Variants in LIMS1 observed in about 807,000 individuals in gnomAD.
LIMS1 encodes LIM and senescent cell antigen-like-containing domain protein 1.
Under a neutral mutation model 44.1 loss-of-function variants are expected in LIMS1, and 18 were observed. The ratio of observed to expected loss-of-function variants is 0.41; its 90% CI spans 0.28 to 0.61. LIMS1 has a LOEUF of 0.61. Ranked by LOEUF, LIMS1 falls within the 20% of genes least tolerant of loss-of-function variation. LIMS1 has a pLI of 0.32. For synonymous variants in LIMS1, 93 were observed against 149.1 expected, an observed-to-expected ratio of 0.62 and a Z score of 2.74; for missense variants, 201 against 422.0, an observed-to-expected ratio of 0.48 and a Z score of 4.59.
intron 1 of LIMS1, among the ~76,000 whole-genome samples, chr2:108,639,282 A>G (rs532584599): frequency 6.6e-6 from 1 of 152,322 alleles, no homozygotes; most frequent in East Asian, 1.9e-4. Flanking sequence ...TGATAAGCAG[A>G]AAGTTCAGGA....
chr2:108,580,605 G>A (rs1346192212), intron 1 of LIMS1, among the ~76,000 whole-genome samples: 2 of 152,174 alleles, frequency 1.3e-5, no homozygotes, highest in Non-Finnish European at 2.9e-5. Context: ...GGAGGTGATG[G>A]TGCCAGAAGT....
chr2:108,587,934 A>G (rs1014655382), intron 1 of LIMS1, among the ~76,000 whole-genome samples: 1 of 152,214 alleles, frequency 6.6e-6, no homozygotes, highest in Admixed American at 6.5e-5. Context: ...GATGTAGTGT[A>G]GAGTAGCTGC....
At chr2:108,571,762 A>C (rs569644505) in intron 1 of LIMS1, among the ~76,000 whole-genome samples, 14 of 152,318 alleles carry the variant, frequency 9.2e-5, no homozygotes, top group African/African-American at 3.4e-4. Context: ...GTTTCTGACA[A>C]TTTAGCACAT....
At chr2:108,570,561 A>G (rs533000699) in intron 1 of LIMS1, among the ~76,000 whole-genome samples, 62 of 152,244 alleles carry the variant, frequency 4.1e-4, no homozygotes, top group Non-Finnish European at 7.5e-4. Flanking sequence ...ATGCCAAACT[A>G]ATGAGTCTGA....
intron 1 of LIMS1, among the ~76,000 whole-genome samples, chr2:108,551,688 T>A (rs1241534161): frequency 6.9e-6 from 1 of 145,306 alleles, no homozygotes; most frequent in African/African-American, 2.5e-5. Context: ...ATATACACTG[T>A]ATACATACAC....
At chr2:108,685,838 T>A (rs1693268328) in exon 10 of LIMS1, 1 of 152,156 alleles carries the variant, frequency 6.6e-6, no homozygotes, top group African/African-American at 2.4e-5. Flanking sequence ...CAGTATAGCG[T>A]CTTGATGCTA....
chr2:108,575,700 G>T (rs1383153551), intron 1 of LIMS1, among the ~76,000 whole-genome samples: 1 of 152,068 alleles, frequency 6.6e-6, no homozygotes, highest in African/African-American at 2.4e-5. Context: ...TTTAGGCATC[G>T]TTTATTTTTA....
chr2:108,680,379 A>AG (rs1573629739), intron 8 of LIMS1, among the ~76,000 whole-genome samples: 1 of 141,252 alleles, frequency 7.1e-6, no homozygotes, highest in East Asian at 1.9e-4. Flanking sequence ...AAAAAAAAAA[A>AG]AAAAAAAATT....
chr2:108,596,775 A>G (rs1326451217), intron 1 of LIMS1, among the ~76,000 whole-genome samples: 1 of 152,178 alleles, frequency 6.6e-6, no homozygotes, highest in Non-Finnish European at 1.5e-5. Flanking sequence ...GTGAACCGAG[A>G]TCACGCCATT....
intron 1 of LIMS1, among the ~76,000 whole-genome samples, chr2:108,623,902 T>C (rs1256477030): frequency 6.6e-6 from 1 of 152,242 alleles, no homozygotes; most frequent in African/African-American, 2.4e-5. Context: ...AAACACGAGA[T>C]GCACGTGCTT....
chr2:108,633,984 C>G (rs567842312), intron 1 of LIMS1, among the ~76,000 whole-genome samples: 2 of 152,226 alleles, frequency 1.3e-5, no homozygotes, highest in Non-Finnish European at 2.9e-5. Flanking sequence ...CACCACCGTT[C>G]TTTAGAAGTA....
chr2:108,557,474 T>C (rs9308807), intron 1 of LIMS1, among the ~76,000 whole-genome samples: 69,077 of 151,830 alleles, frequency 0.45, 16,945 homozygotes, highest in East Asian at 0.96. Context: ...ATCGAACATA[T>C]GATCAGATTC....
At chr2:108,534,592 C>T in exon 1 of LIMS1, 1 of 1,157,658 alleles carries the variant, frequency 8.6e-7, no homozygotes, top group Non-Finnish European at 1.1e-6. Flanking sequence ...GGATGACCCA[C>T]AGGTACGGGC....
intron 1 of LIMS1, among the ~76,000 whole-genome samples, chr2:108,542,771 A>G (rs1363319531): frequency 6.6e-6 from 1 of 152,194 alleles, no homozygotes; most frequent in Non-Finnish European, 1.5e-5. Flanking sequence ...CTCAAGTCCC[A>G]GCTTAAACTC....
intron 1 of LIMS1, among the ~76,000 whole-genome samples, chr2:108,556,043 T>C (rs541020025): frequency 2.0e-5 from 3 of 152,304 alleles, no homozygotes; most frequent in African/African-American, 4.8e-5. Flanking sequence ...CATTTTTAAG[T>C]GTATAATTCA....
intron 1 of LIMS1, among the ~76,000 whole-genome samples, chr2:108,628,686 G>A (rs1573490842): frequency 3.3e-5 from 5 of 152,156 alleles, no homozygotes; most frequent in Admixed American, 1.3e-4. Flanking sequence ...GGCTGGTCTC[G>A]AACTCCTGAC....
In LIMS1 at chr2:108,607,871, C is replaced by G. The variant is rs572534791; in HGVS notation, c.33-51734C>G. Among the ~76,000 whole-genome samples, 4 of 152,232 alleles carry G rather than the reference C, an allele frequency of 2.6e-5. No homozygotes were observed. In the South Asian group the frequency reaches 8.3e-4, roughly 32 times the overall value. On this transcript the variant is annotated intron_variant, in intron 1 of 9. Transcript: ENST00000544547. Reference sequence around the variant, plus strand: ...GATATTGGTCTCAGAGTTAATGCCCCTTTTGTCCTCTGAAAATTGTGTGCC... The same window carrying G: ...GATATTGGTCTCAGAGTTAATGCCCGTTTTGTCCTCTGAAAATTGTGTGCC...
intron 1 of LIMS1, 70 bp downstream of exon 1, chr2:108,534,664 GGGCCGGGCCTGGCGC>G: frequency 1.1e-6 from 1 of 913,748 alleles, no homozygotes; most frequent in Non-Finnish European, 1.3e-6. Flanking sequence ...GGGCCGGGCC[GGGCCGGGCCTGGCGC>G]GGGCGGGCGG....
At chr2:108,615,226 A>T (rs1332373220) in intron 1 of LIMS1, among the ~76,000 whole-genome samples, 1 of 152,222 alleles carries the variant, frequency 6.6e-6, no homozygotes, top group East Asian at 1.9e-4. Flanking sequence ...TGTGAAGAGT[A>T]CCACTAGAAT....
Sources: gnomAD v4.1 joint callset for allele counts (sites outside exome capture counted in the v4.1 genomes callset) on GRCh38, gnomAD v4.1.1 for gene constraint, MANE v1.5 for transcripts, NCBI Gene and HGNC (gene_info 2026-07-23, HGNC 2026-07-21) for gene names.